The following LRCH1 variants were observed in gnomAD, a reference collection of about 807,000 sequenced individuals.
LRCH1 encodes leucine-rich repeat and calponin homology domain-containing protein 1.
Under a neutral mutation model 94.9 loss-of-function variants are expected in LRCH1, and 23 were observed. The observed-to-expected ratio is 0.24, with a 90% CI of 0.17 to 0.34. LRCH1 has a LOEUF of 0.34. Ranked by LOEUF, LRCH1 falls within the 10% of genes least tolerant of loss-of-function variation. LRCH1 has a pLI of 1.00. For missense variants in LRCH1, 790 were observed against 945.9 expected (o/e 0.84, Z 2.16); for synonymous variants, 364 against 354.9 (o/e 1.03, Z -0.29).
At chr13:46,726,390 G>A (rs962073507) in intron 17 of LRCH1, among the ~76,000 whole-genome samples, 2 of 152,176 alleles carry the variant, frequency 1.3e-5, no homozygotes, top group African/African-American at 4.8e-5. Flanking sequence ...AGCCGAAGTC[G>A]CTGGGAACCC....
chr13:46,737,624 G>A (rs1425918951), intron 19 of LRCH1, among the ~76,000 whole-genome samples: 1 of 152,198 alleles, frequency 6.6e-6, no homozygotes, highest in Admixed American at 6.5e-5. Context: ...ACAGGCCTTA[G>A]TGGGCTTCCA....
At chr13:46,683,476 G>A (rs1218610833) in intron 4 of LRCH1, among the ~76,000 whole-genome samples, 1 of 152,112 alleles carries the variant, frequency 6.6e-6, no homozygotes, top group African/African-American at 2.4e-5. Flanking sequence ...TACAAAACTT[G>A]TATTTGGTTT....
intron 1 of LRCH1, among the ~76,000 whole-genome samples, chr13:46,575,736 T>C (rs1397128872): frequency 6.6e-6 from 1 of 152,184 alleles, no homozygotes; most frequent in Non-Finnish European, 1.5e-5. Context: ...AATTGAATGA[T>C]ACAGAAACCA....
intron 1 of LRCH1, among the ~76,000 whole-genome samples, chr13:46,625,574 C>G (rs1004667292): frequency 6.7e-6 from 1 of 150,252 alleles, no homozygotes; most frequent in Non-Finnish European, 1.5e-5. Context: ...TCCTTGAGCC[C>G]GGACTCCTTG....
intron 1 of LRCH1, among the ~76,000 whole-genome samples, chr13:46,625,009 G>T (rs761950574): frequency 8.5e-5 from 13 of 152,180 alleles, no homozygotes; most frequent in Non-Finnish European, 1.8e-4. Flanking sequence ...ACCCTTAACA[G>T]TCTATTCAGC....
intron 1 of LRCH1, among the ~76,000 whole-genome samples, chr13:46,582,486 A>C: frequency 1.9e-5 from 1 of 51,654 alleles, no homozygotes; most frequent in Non-Finnish European, 3.7e-5. Flanking sequence ...GGATGAACAT[A>C]TTGTTTTTTT....
chr13:46,594,509 A>T (rs529973145), intron 1 of LRCH1, among the ~76,000 whole-genome samples: 1 of 152,336 alleles, frequency 6.6e-6, no homozygotes, highest in East Asian at 1.9e-4. Context: ...TTAGACCTCT[A>T]GCCACTGTTG....
rs1394716910 is a variant in LRCH1 at position 46,692,571 on chromosome 13, A to C, written c.1050A>C (p.Pro350=). 1 of 1,614,094 alleles carries C rather than the reference A, an allele frequency of 6.2e-7. No homozygotes were observed. Among genetic ancestry groups the C allele is most frequent in the Non-Finnish European group, 8.5e-7 (1 of 1,179,952 alleles). The part of the protein sequence containing the change: ...SDEDTVSLNV[P]MSNIMEEEQI... ...AAGACACTGTTAGCCTCAATGTGCC[A>C]ATGTCAAACATCATGGAAGAAGAAC... is the stretch of plus-strand genomic sequence containing the variant. Residue 350 remains proline, a synonymous_variant, in exon 8 of 20, where the codon CCA becomes CCC. Coordinates refer to ENST00000389797, the MANE Select transcript of LRCH1 (RefSeq NM_001164211.2).
intron 1 of LRCH1, among the ~76,000 whole-genome samples, chr13:46,564,518 C>T (rs1223936420): frequency 1.3e-5 from 2 of 152,198 alleles, no homozygotes; most frequent in Non-Finnish European, 2.9e-5. Context: ...GTTCCCCACA[C>T]CTCTCCCAGG....
At chr13:46,646,384 A>G (rs561779238) in intron 1 of LRCH1, among the ~76,000 whole-genome samples, 12 of 152,216 alleles carry the variant, frequency 7.9e-5, no homozygotes, top group Non-Finnish European at 1.6e-4. Flanking sequence ...AAGTATCTAC[A>G]GTGAGTTCCT....
intron 1 of LRCH1, among the ~76,000 whole-genome samples, chr13:46,631,851 C>T (rs2138045597): frequency 6.6e-6 from 1 of 152,280 alleles, no homozygotes. Flanking sequence ...CTTTCTGCGT[C>T]TCCGTTTCCT....
intron 19 of LRCH1, among the ~76,000 whole-genome samples, 200 bp from the exon 20 acceptor site, chr13:46,741,442 C>T (rs1281999575): frequency 3.3e-5 from 5 of 152,130 alleles, no homozygotes; most frequent in Non-Finnish European, 5.9e-5. Context: ...GACCCATTGG[C>T]ACAAAATAGG....
intron 1 of LRCH1, among the ~76,000 whole-genome samples, chr13:46,613,797 A>G (rs548806550): frequency 1.0e-3 from 152 of 152,302 alleles, no homozygotes; most frequent in African/African-American, 3.5e-3. Context: ...TAAGTCTGGT[A>G]TGTTCCTAAA....
chr13:46,592,222 T>A (rs2050508028), intron 1 of LRCH1, among the ~76,000 whole-genome samples: 1 of 152,128 alleles, frequency 6.6e-6, no homozygotes, highest in Non-Finnish European at 1.5e-5. Context: ...TCATTTTTGT[T>A]CAAAACAGGA....
intron 18 of LRCH1, among the ~76,000 whole-genome samples, chr13:46,732,896 C>A (rs1014243518): frequency 1.3e-5 from 2 of 152,210 alleles, no homozygotes; most frequent in African/African-American, 4.8e-5. Flanking sequence ...GACGTGACTT[C>A]CTCCCTAATC....
intron 1 of LRCH1, among the ~76,000 whole-genome samples, chr13:46,624,327 G>A (rs2050919012): frequency 6.6e-6 from 1 of 152,200 alleles, no homozygotes; most frequent in East Asian, 1.9e-4. Flanking sequence ...ATGTGGATTT[G>A]AGTATGGAAG....
chr13:46,607,724 A>C lies in LRCH1; in HGVS notation c.308-42477A>C, dbSNP rs189555804. Among the ~76,000 whole-genome samples the C allele has an allele frequency of 3.8e-3, 585 of 152,054 alleles. 8 individuals are homozygous for C. Among genetic ancestry groups the C allele is most frequent in the African/African-American group, 0.013 (519 of 41,476 alleles). Reference sequence around the variant, plus strand: ...TAGTTTCATTGAAAGTGTAATATAAAATCTGAGGATCTCAGACATCTTAGG... The same window carrying C: ...TAGTTTCATTGAAAGTGTAATATAACATCTGAGGATCTCAGACATCTTAGG... On this transcript the variant is annotated intron_variant, in intron 1 of 19. Coordinates refer to ENST00000389797, the MANE Select transcript of LRCH1 (RefSeq NM_001164211.2).
At chr13:46,609,605 T>G (rs779124312) in intron 1 of LRCH1, among the ~76,000 whole-genome samples, 48 of 152,176 alleles carry the variant, frequency 3.2e-4, no homozygotes, top group Non-Finnish European at 5.1e-4. Flanking sequence ...AATAGTAAAC[T>G]AATTCATTCA....
intron 1 of LRCH1, among the ~76,000 whole-genome samples, chr13:46,646,579 C>T (rs2051223838): frequency 1.3e-5 from 2 of 152,122 alleles, no homozygotes; most frequent in African/African-American, 2.4e-5. Flanking sequence ...CACTTATAAT[C>T]TATTTTGAAG....
Sources: allele counts gnomAD v4.1 joint callset (sites outside exome capture counted in the v4.1 genomes callset), GRCh38; gene constraint gnomAD v4.1.1; transcripts MANE v1.5; gene names NCBI Gene and HGNC (gene_info 2026-07-23, HGNC 2026-07-21).